RARB: variants seen among roughly 807,000 people sequenced by gnomAD.
RARB encodes HBV-activated protein.
In RARB, 17 loss-of-function variants were observed where a neutral mutation model predicts 51.9. That is an observed-to-expected ratio of 0.33 (90% CI 0.22 to 0.49). The LOEUF is 0.49. Among genes scored for constraint, RARB ranks in the 20% least tolerant of loss-of-function variants. The pLI, the probability that RARB is intolerant of heterozygous loss-of-function variation, is 0.99. For missense variants in RARB, 369 were observed against 550.8 expected (o/e 0.67, Z 3.30); for synonymous variants, 215 against 195.4 (o/e 1.10, Z -0.84).
intron 2 of RARB, among the ~76,000 whole-genome samples, chr3:24,930,151 G>T (rs1366228741): frequency 6.6e-6 from 1 of 152,012 alleles, no homozygotes; most frequent in Non-Finnish European, 1.5e-5. Context: ...GTAGAAACAG[G>T]TCTATTAAAA....
chr3:24,878,748 C>T (rs573264170), intron 2 of RARB, among the ~76,000 whole-genome samples: 2 of 152,272 alleles, frequency 1.3e-5, no homozygotes, highest in Admixed American at 1.3e-4. Flanking sequence ...TTGAGAACCA[C>T]TCCTGTCGGG....
At chr3:25,438,608 T>C (rs1362454806) in intron 1 of RARB, among the ~76,000 whole-genome samples, 2 of 152,028 alleles carry the variant, frequency 1.3e-5, no homozygotes, top group Non-Finnish European at 2.9e-5. Flanking sequence ...TCAGGGAAGG[T>C]GAATAACACG....
chr3:24,941,559 G>A (rs879925195), intron 2 of RARB, among the ~76,000 whole-genome samples: 2 of 151,996 alleles, frequency 1.3e-5, no homozygotes, highest in East Asian at 1.9e-4. Flanking sequence ...TAGTAGAGAC[G>A]GGGTTTCCCC....
At chr3:25,485,577 C>T (rs1696424652) in intron 2 of RARB, among the ~76,000 whole-genome samples, 1 of 152,230 alleles carries the variant, frequency 6.6e-6, no homozygotes, top group Non-Finnish European at 1.5e-5. Context: ...AAATGTGTTT[C>T]TGTGAACTCC....
chr3:24,931,764 A>T (rs1024228033), intron 2 of RARB, among the ~76,000 whole-genome samples: 3 of 151,812 alleles, frequency 2.0e-5, no homozygotes, highest in Admixed American at 6.6e-5. Flanking sequence ...CTTAGACTTG[A>T]GCAGTGCCAC....
intron 5 of RARB, among the ~76,000 whole-genome samples, chr3:25,367,218 A>G (rs17588729): frequency 0.2 from 29,735 of 152,186 alleles, 3,761 homozygotes; most frequent in Admixed American, 0.34. Flanking sequence ...CAATGTTGGT[A>G]CAGAGCATCA....
At chr3:24,997,946 C>T (rs1575111724) in intron 2 of RARB, among the ~76,000 whole-genome samples, 2 of 152,010 alleles carry the variant, frequency 1.3e-5, no homozygotes, top group African/African-American at 4.8e-5. Flanking sequence ...TAAATCTTTA[C>T]AATAAAGTAT....
chr3:25,565,960 C>T (rs1452724551), intron 3 of RARB, among the ~76,000 whole-genome samples: 1 of 152,192 alleles, frequency 6.6e-6, no homozygotes, highest in Non-Finnish European at 1.5e-5. Flanking sequence ...TCCTGACTTC[C>T]CCTGCAGTAC....
intron 3 of RARB, among the ~76,000 whole-genome samples, chr3:25,082,522 G>A (rs1361946207): frequency 2.0e-5 from 3 of 151,912 alleles, no homozygotes; most frequent in Non-Finnish European, 2.9e-5. Context: ...ATTTCTCCAA[G>A]TATAATGGTA....
chr3:25,593,485 AT>A lies in RARB; in HGVS notation c.787-9del, dbSNP rs750483330. 69 of 1,583,400 alleles carry A rather than the reference AT, an allele frequency of 4.4e-5. No homozygotes were observed. Among genetic ancestry groups the A allele is most frequent in the East Asian group, 1.6e-4 (7 of 44,516 alleles). On this transcript the variant is annotated splice_polypyrimidine_tract_variant and intron_variant, in intron 5 of 7. Transcript: ENST00000330688. ...ACAGGATGGCTTAGAACATCCATCA[AT>A]TTTTTTTTCCTTCCAGATTCTTAGA...
At chr3:25,550,058 A>G (rs1226417630) in intron 3 of RARB, among the ~76,000 whole-genome samples, 1 of 152,176 alleles carries the variant, frequency 6.6e-6, no homozygotes, top group Admixed American at 6.5e-5. Flanking sequence ...TGATACTTGG[A>G]AACATTCCAA....
intron 4 of RARB, among the ~76,000 whole-genome samples, chr3:25,145,205 G>T (rs533586879): frequency 1.8e-4 from 27 of 152,254 alleles, no homozygotes; most frequent in African/African-American, 6.3e-4. Context: ...CATGGTCTTT[G>T]TTCCTCTGTC....
intron 5 of RARB, among the ~76,000 whole-genome samples, chr3:25,340,063 A>G (rs1157869663): frequency 6.6e-6 from 1 of 152,204 alleles, no homozygotes; most frequent in Non-Finnish European, 1.5e-5. Flanking sequence ...CTATTGGTAC[A>G]GAGCATGTAA....
chr3:25,326,956 A>G (rs575968616), intron 5 of RARB, among the ~76,000 whole-genome samples: 2 of 152,250 alleles, frequency 1.3e-5, no homozygotes. Context: ...GTCATTTAAC[A>G]TTAGGTATAT....
chr3:25,370,930 G>GC (rs1438439489), intron 5 of RARB, among the ~76,000 whole-genome samples: 2 of 152,120 alleles, frequency 1.3e-5, no homozygotes, highest in African/African-American at 2.4e-5. Flanking sequence ...GGGCACCTTA[G>GC]CCCCTGGCTT....
intron 5 of RARB, among the ~76,000 whole-genome samples, chr3:25,369,730 C>G (rs1706241703): frequency 6.6e-6 from 1 of 152,160 alleles, no homozygotes; most frequent in Non-Finnish European, 1.5e-5. Flanking sequence ...TGAGACCAGT[C>G]TGACCAACGT....
chr3:25,489,105 G>A (rs557064310), intron 2 of RARB, among the ~76,000 whole-genome samples: 3 of 152,346 alleles, frequency 2.0e-5, no homozygotes, highest in Non-Finnish European at 2.9e-5. Context: ...AGCAGCTCCA[G>A]GAGTGTATTT....
chr3:25,137,579 G>C (rs1430227330), intron 4 of RARB, among the ~76,000 whole-genome samples: 1 of 152,076 alleles, frequency 6.6e-6, no homozygotes, highest in Non-Finnish European at 1.5e-5. Context: ...AGATGTTAAA[G>C]TTTGAAGAGC....
intron 1 of RARB, among the ~76,000 whole-genome samples, chr3:24,850,927 C>T (rs1049311486): frequency 3.3e-5 from 5 of 152,242 alleles, no homozygotes; most frequent in African/African-American, 1.2e-4. Context: ...AGCAAGTACT[C>T]ATTAGCAAAC....
Sources: allele counts gnomAD v4.1 joint callset (sites outside exome capture counted in the v4.1 genomes callset), GRCh38; gene constraint gnomAD v4.1.1; transcripts MANE v1.5; gene names NCBI Gene and HGNC (gene_info 2026-07-23, HGNC 2026-07-21).